DPP10: variants seen among roughly 807,000 people sequenced by gnomAD.
DPP10 encodes dipeptidyl peptidase like 10.
DPP10 carries 33 observed loss-of-function variants against 120.9 expected under a neutral mutation model. The observed-to-expected ratio is 0.27, with a 90% CI of 0.21 to 0.37. The LOEUF (loss-of-function observed/expected upper bound fraction) is 0.37. DPP10 is among the 10% of genes least tolerant of loss of function. The pLI is 1.00. For synonymous variants in DPP10, 337 were observed against 326.1 expected, an observed-to-expected ratio of 1.03 and a Z score of -0.36; for missense variants, 816 against 942.8, an observed-to-expected ratio of 0.87 and a Z score of 1.76.
intron 2 of DPP10, among the ~76,000 whole-genome samples, chr2:115,342,716 G>A (rs2063510668): frequency 1.3e-5 from 2 of 152,020 alleles, no homozygotes; most frequent in Admixed American, 6.6e-5. Flanking sequence ...ACAGCATTTC[G>A]TTTTGCAAAG....
At chr2:114,785,559 G>T (rs749672668) in intron 1 of DPP10, among the ~76,000 whole-genome samples, 1 of 152,276 alleles carries the variant, frequency 6.6e-6, no homozygotes, top group Non-Finnish European at 1.5e-5. Context: ...TGAACAGCTC[G>T]TTAAATTAGG....
At chr2:114,479,637 G>T (rs1680836804) in intron 1 of DPP10, among the ~76,000 whole-genome samples, 1 of 152,094 alleles carries the variant, frequency 6.6e-6, no homozygotes, top group Non-Finnish European at 1.5e-5. Context: ...TTTAATAAAT[G>T]GTGCTGGGAA....
intron 1 of DPP10, among the ~76,000 whole-genome samples, chr2:114,579,145 G>A (rs2105070174): frequency 6.6e-6 from 1 of 152,278 alleles, no homozygotes; most frequent in South Asian, 2.1e-4. Context: ...ATGGGATTTG[G>A]TGAATTTAAT....
At chr2:114,502,075 A>G (rs901841163) in intron 1 of DPP10, among the ~76,000 whole-genome samples, 2 of 151,510 alleles carry the variant, frequency 1.3e-5, no homozygotes, top group African/African-American at 4.9e-5. Flanking sequence ...AGCTGGGATT[A>G]CAGGCACGCA....
chr2:114,523,255 G>C (rs1478142561), intron 1 of DPP10, among the ~76,000 whole-genome samples: 1 of 152,196 alleles, frequency 6.6e-6, no homozygotes, highest in Non-Finnish European at 1.5e-5. Flanking sequence ...CTGGACTTTT[G>C]TTCCCTCCTT....
chr2:115,823,260 A>G (rs534451960), intron 21 of DPP10, among the ~76,000 whole-genome samples: 1 of 152,246 alleles, frequency 6.6e-6, no homozygotes, highest in African/African-American at 2.4e-5. Flanking sequence ...TTAATTGTGT[A>G]TGCTGAATTG....
chr2:114,786,415 G>C (rs112127536), intron 1 of DPP10, among the ~76,000 whole-genome samples: 1 of 152,268 alleles, frequency 6.6e-6, no homozygotes, highest in African/African-American at 2.4e-5. Flanking sequence ...AGTGATTTTC[G>C]AGAAGCGAGA....
At chr2:115,251,615 T>C (rs972570425) in intron 1 of DPP10, among the ~76,000 whole-genome samples, 2 of 152,124 alleles carry the variant, frequency 1.3e-5, no homozygotes, top group Admixed American at 6.5e-5. Flanking sequence ...GAATTACTTA[T>C]TAGGAAAAGT....
intron 5 of DPP10, among the ~76,000 whole-genome samples, chr2:115,573,112 A>T (rs895765368): frequency 2.0e-5 from 3 of 152,262 alleles, no homozygotes; most frequent in South Asian, 2.1e-4. Context: ...ATATGCAGGT[A>T]GAGCCTGAGA....
intron 1 of DPP10, among the ~76,000 whole-genome samples, chr2:115,193,849 A>G (rs1012348993): frequency 6.6e-6 from 1 of 152,196 alleles, no homozygotes; most frequent in Non-Finnish European, 1.5e-5. Flanking sequence ...AACCATCTAT[A>G]AATAAGTGTC....
chr2:115,005,093 CT>C (rs1283979906), intron 1 of DPP10, among the ~76,000 whole-genome samples: 1 of 152,000 alleles, frequency 6.6e-6, no homozygotes, highest in Non-Finnish European at 1.5e-5. Context: ...GGGAGGCACC[CT>C]CCAGCAGGGG....
intron 1 of DPP10, among the ~76,000 whole-genome samples, chr2:115,204,957 ATTTG>A (rs909554338): frequency 2.5e-4 from 38 of 151,700 alleles, no homozygotes; most frequent in Admixed American, 2.2e-3. Flanking sequence ...TTGCTTTTTG[ATTTG>A]TTTAAGTATC....
intron 5 of DPP10, among the ~76,000 whole-genome samples, chr2:115,641,535 A>G (rs968095551): frequency 2.0e-5 from 3 of 151,988 alleles, no homozygotes. Context: ...CTCTCCCTCT[A>G]TCCTAGTATC....
chr2:115,036,757 T>C (rs184740416), intron 1 of DPP10, among the ~76,000 whole-genome samples: 1 of 152,356 alleles, frequency 6.6e-6, no homozygotes, highest in East Asian at 1.9e-4. Context: ...TATGTGGATA[T>C]TCCAATTAAA....
At chr2:115,602,554 T>C (rs949081914) in intron 5 of DPP10, among the ~76,000 whole-genome samples, 1 of 152,160 alleles carries the variant, frequency 6.6e-6, no homozygotes, top group Non-Finnish European at 1.5e-5. Flanking sequence ...TCATATAAAT[T>C]TCTTTATTTT....
At chr2:114,708,437 G>C (rs970690617) in intron 1 of DPP10, among the ~76,000 whole-genome samples, 3 of 152,142 alleles carry the variant, frequency 2.0e-5, no homozygotes, top group Admixed American at 1.3e-4. Flanking sequence ...TACAGCAGAA[G>C]GGGGAAGAAC....
intron 1 of DPP10, among the ~76,000 whole-genome samples, chr2:114,504,886 T>A (rs1255193608): frequency 6.6e-6 from 1 of 151,652 alleles, no homozygotes; most frequent in Non-Finnish European, 1.5e-5. Flanking sequence ...ACCCCATTTC[T>A]ACTAAAAATA....
intron 1 of DPP10, among the ~76,000 whole-genome samples, chr2:114,452,849 A>G (rs576646390): frequency 3.3e-5 from 5 of 152,272 alleles, no homozygotes; most frequent in African/African-American, 1.2e-4. Flanking sequence ...AACTTCTGCC[A>G]TGGTGATTAC....
chr2:115,741,446 A>G (rs2149697593), intron 9 of DPP10, among the ~76,000 whole-genome samples: 1 of 150,248 alleles, frequency 6.7e-6, no homozygotes, highest in South Asian at 2.1e-4. Flanking sequence ...TTTTGGCATG[A>G]CAGTTTGGAC....
Sources: allele counts gnomAD v4.1 joint callset (sites outside exome capture counted in the v4.1 genomes callset), GRCh38; gene constraint gnomAD v4.1.1; transcripts MANE v1.5; gene names NCBI Gene and HGNC (gene_info 2026-07-23, HGNC 2026-07-21).